Variants in XRN1 observed in about 807,000 individuals in gnomAD.
XRN1 encodes strand-exchange protein 1 homolog.
Under a neutral mutation model 222.3 loss-of-function variants are expected in XRN1, and 67 were observed. That is an observed-to-expected ratio of 0.30 (90% CI 0.25 to 0.37). XRN1 has a LOEUF of 0.37. Ranked by LOEUF, XRN1 falls within the 10% of genes least tolerant of loss-of-function variation. The pLI, the probability that XRN1 is intolerant of heterozygous loss-of-function variation, is 1.00. For synonymous variants in XRN1, 643 were observed against 652.4 expected, an observed-to-expected ratio of 0.99 and a Z score of 0.22; for missense variants, 1,707 against 2,000.2, an observed-to-expected ratio of 0.85 and a Z score of 2.80.
chr3:142,400,551 A>G lies in XRN1; in HGVS notation c.2104-4T>C. 6.2e-7 allele frequency: 1 copy of G among 1,605,632 alleles called. No individual in the cohort carries two copies. ...ATGAAGCTACATTTTCTACGGTCTT[A>G]AAGTAAAAGCAAAAAAGTTCATTCA... On this transcript the variant is annotated splice_region_variant and splice_polypyrimidine_tract_variant and intron_variant, in intron 18 of 40. Transcript: ENST00000392981.
Position 142,329,706 on chromosome 3 carries a change from G to A in XRN1, c.4223-91C>T. On this transcript the variant is annotated intron_variant, in intron 36 of 40. Transcript: ENST00000392981. ...GTAGGGTTTTATAGAAGAGCAAGCA[G>A]GAAACTGCTAAAAAGTGAAGTGAAT... 2 of 1,271,766 alleles carry A rather than the reference G, an allele frequency of 1.6e-6. 1 individual carries two copies. Among genetic ancestry groups the A allele is most frequent in the South Asian group, 3.3e-5 (2 of 60,200 alleles). 78.8% of individuals were successfully genotyped at this position (1,271,766 alleles called of 1,614,324 possible).
intron 2 of XRN1, among the ~76,000 whole-genome samples, chr3:142,430,400 T>G (rs2069472239): frequency 6.6e-6 from 1 of 152,166 alleles, no homozygotes; most frequent in South Asian, 2.1e-4. Flanking sequence ...AAAAACTACT[T>G]TAACAAATAC....
intron 29 of XRN1, among the ~76,000 whole-genome samples, chr3:142,360,553 C>CT (rs201339689): frequency 6.7e-6 from 1 of 150,128 alleles, no homozygotes; most frequent in Admixed American, 6.6e-5. Context: ...AGGGCATGTA[C>CT]TTTTTTAAAA....
At chr3:142,343,898 C>T (rs1276039985) in intron 33 of XRN1, among the ~76,000 whole-genome samples, 1 of 151,938 alleles carries the variant, frequency 6.6e-6, no homozygotes, top group Non-Finnish European at 1.5e-5. Context: ...GAGTACTATT[C>T]GGCCATAAAA....
In XRN1 at chr3:142,309,129, C is replaced by T. The variant is rs147600652; in HGVS notation, c.*2382G>A. 3.9e-5 allele frequency: 6 copies of T among 152,232 alleles called. No individual in the cohort carries two copies. In the East Asian group the frequency reaches 1.2e-3, roughly 29 times the overall value. The allele number at this position is 152,232 out of a possible 1,614,324, so 9.4% of individuals were successfully genotyped here. ...GGGAAAAGAATAGAGAATGCCTGAC[C>T]ACTATCCAGCCATTATGGAGCTCTC... On this transcript the variant is annotated 3_prime_UTR_variant, in exon 41 of 41. Transcript: ENST00000392981.
chr3:142,331,119 A>G (rs1305623659), intron 36 of XRN1, among the ~76,000 whole-genome samples: 1 of 152,154 alleles, frequency 6.6e-6, no homozygotes, highest in African/African-American at 2.4e-5. Flanking sequence ...TGCCCAGCCA[A>G]TTCCAGGTTT....
chr3:142,432,227 AAT>A (rs1008156752), intron 2 of XRN1, among the ~76,000 whole-genome samples: 1 of 96,834 alleles, frequency 1.0e-5, no homozygotes, highest in African/African-American at 4.8e-5. Context: ...ATATATAATT[AAT>A]TATATATATA....
intron 1 of XRN1, among the ~76,000 whole-genome samples, chr3:142,441,774 T>G (rs554605318): frequency 2.6e-5 from 4 of 152,338 alleles, no homozygotes; most frequent in African/African-American, 9.6e-5. Flanking sequence ...CCAGCCACAT[T>G]TCTTCCAGAC....
Position 142,346,016 on chromosome 3 carries a change from TA to T in XRN1, c.3877+1217del, listed in dbSNP as rs573022060. Among the ~76,000 whole-genome samples, 1,211 of 152,354 alleles carry T rather than the reference TA, an allele frequency of 7.9e-3. 6 individuals are homozygous for T. The highest frequency in any genetic ancestry group is 0.013 in the Non-Finnish European group (884 of 68,024). ...TAAGAGTTACCACTATATGACTCAGTAATTTCACTCATATGCATATACCCAA... is the reference window on the plus strand; with the variant it reads ...TAAGAGTTACCACTATATGACTCAGTATTTCACTCATATGCATATACCCAA... On this transcript the variant is annotated intron_variant, in intron 33 of 40. Transcript: ENST00000392981.
intron 33 of XRN1, among the ~76,000 whole-genome samples, chr3:142,341,451 A>G (rs1473680807): frequency 6.6e-6 from 1 of 152,028 alleles, no homozygotes; most frequent in African/African-American, 2.4e-5. Flanking sequence ...TAATAACAAA[A>G]GGAAGAATAA....
At chr3:142,328,308 T>C (rs2065577234) in intron 37 of XRN1, among the ~76,000 whole-genome samples, 1 of 152,192 alleles carries the variant, frequency 6.6e-6, no homozygotes. Flanking sequence ...ACTTTTGCCG[T>C]ATCCTACAGG....
In XRN1 at chr3:142,426,820, G is replaced by C; in HGVS notation, c.330C>G (p.Asp110Glu). Residue 110 changes from aspartate to glutamate, a missense_variant, in exon 3 of 41, where the codon GAC becomes GAG. Physicochemically the swap from Asp to Glu is conservative, Grantham distance 45. This residue lies in a region of XRN1 where 1,234 missense variants were observed against 1,518.2 expected (regional missense o/e 0.81). Coordinates refer to ENST00000392981, the MANE Select transcript of XRN1 (RefSeq NM_001282857.2). ...RRFRSAKEAE[D>E]KIKKAIEKGE... ...CCTTCTCTATTGCCTTTTTAATTTT[G>C]TCTTCTGCCTCCTTTGCTGACCTTA... 6.2e-7 allele frequency: 1 copy of C among 1,613,282 alleles called. No homozygotes were observed. The highest frequency in any genetic ancestry group is 2.2e-5 in the East Asian group (1 of 44,828).
At chr3:142,424,103 CTT>C (rs1404332724) in intron 5 of XRN1, among the ~76,000 whole-genome samples, 1 of 148,868 alleles carries the variant, frequency 6.7e-6, no homozygotes. Context: ...CACATAGTAT[CTT>C]TTTTTTTTGA....
intron 32 of XRN1, 148 bp downstream of exon 32, chr3:142,355,253 T>A (rs1279451600): frequency 2.0e-4 from 82 of 407,352 alleles, no homozygotes; most frequent in Non-Finnish European, 2.1e-4. Flanking sequence ...TGAAATTATT[T>A]AAAAAAAGAA....
intron 16 of XRN1, among the ~76,000 whole-genome samples, 195 bp from the exon 17 acceptor site, chr3:142,404,184 G>T (rs1053069014): frequency 6.6e-6 from 1 of 152,040 alleles, no homozygotes. Context: ...AATCATGCCT[G>T]TAGATTACTA....
intron 19 of XRN1, among the ~76,000 whole-genome samples, chr3:142,399,622 A>T (rs911544061): frequency 2.0e-5 from 3 of 151,798 alleles, no homozygotes; most frequent in South Asian, 2.1e-4. Flanking sequence ...AAATTCTGAT[A>T]AAAAAAATCC....
At chr3:142,446,773 T>C (rs1489823531) in intron 1 of XRN1, among the ~76,000 whole-genome samples, 2 of 152,196 alleles carry the variant, frequency 1.3e-5, no homozygotes, top group African/African-American at 4.8e-5. Context: ...TCAATCTATG[T>C]TTCAAATAAA....
intron 27 of XRN1, among the ~76,000 whole-genome samples, chr3:142,368,025 A>G (rs906748526): frequency 3.3e-5 from 5 of 150,760 alleles, no homozygotes; most frequent in African/African-American, 7.3e-5. Context: ...CTATATGCAT[A>G]TATGTATGAT....
rs1364974483 is a variant in XRN1 at position 142,335,563 on chromosome 3, A to G, written c.3878-54T>C. 2.8e-6 allele frequency: 4 copies of G among 1,434,324 alleles called. No individual in the cohort carries two copies. In the African/African-American group the frequency reaches 4.3e-5, roughly 15 times the overall value. The allele number at this position is 1,434,324 out of a possible 1,614,324, so 88.8% of individuals were successfully genotyped here. On this transcript the variant is annotated intron_variant, in intron 33 of 40. Transcript: ENST00000392981. ...AAATGGAAGTGTTTACTGCACAATT[A>G]AAACTACCAAATATTTATAATAGCA...
Sources: allele counts gnomAD v4.1 joint callset (sites outside exome capture counted in the v4.1 genomes callset), GRCh38; gene constraint gnomAD v4.1.1; regional missense constraint gnomAD v4.1.1; transcripts MANE v1.5; gene names NCBI Gene and HGNC (gene_info 2026-07-23, HGNC 2026-07-21).